Variants in CD53 observed in about 807,000 individuals in gnomAD.
CD53 encodes the protein leukocyte surface antigen CD53.
Under a neutral mutation model 27.3 loss-of-function variants are expected in CD53, and 20 were observed. That is an observed-to-expected ratio of 0.73 (90% confidence interval 0.52 to 1.07). CD53 has a LOEUF of 1.07. CD53 is among the 50% of genes least tolerant of loss of function. CD53 has a pLI of 0.00. For missense variants in CD53, 216 were observed against 264.0 expected, an observed-to-expected ratio of 0.82 and a Z score of 1.26; for synonymous variants, 106 against 105.3, an observed-to-expected ratio of 1.01 and a Z score of -0.04.
chr1:110,879,829 A>G (rs1462271305), intron 1 of CD53, among the ~76,000 whole-genome samples: 1 of 152,100 alleles, frequency 6.6e-6, no homozygotes, highest in African/African-American at 2.4e-5. Flanking sequence ...CAGCTTCCCA[A>G]ATGGCTGGGA....
At chr1:110,885,967 T>C (rs1440229265) in intron 1 of CD53, among the ~76,000 whole-genome samples, 1 of 152,234 alleles carries the variant, frequency 6.6e-6, no homozygotes, top group African/African-American at 2.4e-5. Context: ...TTTGTTCCTT[T>C]GTGTAAATCT....
At chr1:110,887,286 G>C (rs944654685) in intron 1 of CD53, among the ~76,000 whole-genome samples, 12 of 151,976 alleles carry the variant, frequency 7.9e-5, no homozygotes, top group African/African-American at 2.9e-4. Context: ...GGATCGTCTC[G>C]ATCTCCTGAC....
At chr1:110,875,608 C>T (rs531005981) in intron 1 of CD53, among the ~76,000 whole-genome samples, 1 of 152,298 alleles carries the variant, frequency 6.6e-6, no homozygotes, top group Admixed American at 6.5e-5. Flanking sequence ...CAAGCATCCA[C>T]TGTGTGTAGA....
rs368847209 is a variant in CD53 at position 110,899,064 on chromosome 1, C to T, written c.589-60C>T. On this transcript the variant is annotated intron_variant, in intron 7 of 7. Transcript: ENST00000271324. ...CTTTTTCTCAGAGGCCAATCCCAGG[C>T]ATTGTGAAAGAAATGGCTTTTCTTA... The T allele has an allele frequency of 5.0e-5, 63 of 1,267,754 alleles. 1 individual carries two copies. The highest frequency in any genetic ancestry group is 7.1e-5 in the Non-Finnish European group (62 of 870,796). 78.5% of individuals were successfully genotyped at this position (1,267,754 alleles called of 1,614,324 possible).
intron 1 of CD53, among the ~76,000 whole-genome samples, chr1:110,891,004 A>T (rs983070727): frequency 6.6e-6 from 1 of 152,252 alleles, no homozygotes; most frequent in African/African-American, 2.4e-5. Context: ...GGCTTTCTTG[A>T]TGGCTGATTG....
At chr1:110,897,647 C>T in intron 6 of CD53, 162 bp from the exon 7 acceptor site, 1 of 483,918 alleles carries the variant, frequency 2.1e-6, no homozygotes, top group Non-Finnish European at 3.7e-6. Flanking sequence ...TATTTCCCAC[C>T]TTATGCCTGT....
chr1:110,886,869 A>ATATATATATATATATTTTTT (rs1298376721), intron 1 of CD53, among the ~76,000 whole-genome samples: 2 of 82,798 alleles, frequency 2.4e-5, no homozygotes, highest in African/African-American at 1.1e-4. Flanking sequence ...ATATATATAT[A>ATATATATATATATATTTTTT]TTTTTTTTTT....
intron 1 of CD53, among the ~76,000 whole-genome samples, chr1:110,884,522 G>A (rs1273817192): frequency 1.3e-5 from 2 of 152,000 alleles, no homozygotes; most frequent in Non-Finnish European, 2.9e-5. Context: ...CTGCTTTTCT[G>A]TCTACTGATT....
chr1:110,894,992 C>T lies in CD53; in HGVS notation c.360C>T (p.Asp120=), dbSNP rs1657002503. ...LNEYVAKGLT[D]SIHRYHSDNS... The stretch of plus-strand genomic sequence containing the variant: ...AGTATGTGGCTAAGGGTCTGACCGA[C>T]AGCATCCACCGTTACCACTCAGACA... The change falls in exon 5 of 8, where the codon GAC becomes GAT. Residue 120 remains aspartate (D), a synonymous_variant. Coordinates refer to ENST00000271324, the MANE Select transcript of CD53 (RefSeq NM_000560.4). 1 of 1,614,052 alleles carries T rather than the reference C, an allele frequency of 6.2e-7. No homozygotes were observed. The highest frequency in any genetic ancestry group is 8.5e-7 in the Non-Finnish European group (1 of 1,179,932).
chr1:110,890,286 G>T (rs1656799798), intron 1 of CD53, among the ~76,000 whole-genome samples: 1 of 152,128 alleles, frequency 6.6e-6, no homozygotes. Flanking sequence ...CAAAATTCTG[G>T]CCAGGTGCGG....
At chr1:110,888,530 G>A (rs4839582) in intron 1 of CD53, among the ~76,000 whole-genome samples, 97,396 of 152,000 alleles carry the variant, frequency 0.64, 33,237 homozygotes, top group Non-Finnish European at 0.77. Context: ...TTATTTTATA[G>A]TCTACATTTT....
intron 1 of CD53, among the ~76,000 whole-genome samples, chr1:110,881,371 T>G (rs555186168): frequency 1.3e-5 from 2 of 152,322 alleles, no homozygotes; most frequent in Non-Finnish European, 2.9e-5. Flanking sequence ...TCTTTTTTAT[T>G]TAACCTCTTT....
chr1:110,879,096 T>C (rs1248026113), intron 1 of CD53, among the ~76,000 whole-genome samples: 2 of 152,116 alleles, frequency 1.3e-5, no homozygotes, highest in Non-Finnish European at 2.9e-5. Flanking sequence ...AAGCAAGGGA[T>C]TATTCTTGCC....
At chr1:110,873,341 A>G (rs1656019375) in intron 1 of CD53, 93 bp downstream of exon 1, 1 of 152,658 alleles carries the variant, frequency 6.6e-6, no homozygotes, top group African/African-American at 2.4e-5. Flanking sequence ...GTAACCATAA[A>G]ATCTCCGGCA....
At chr1:110,893,643 T>C (rs932243803) in intron 3 of CD53, among the ~76,000 whole-genome samples, 1 of 152,232 alleles carries the variant, frequency 6.6e-6, no homozygotes, top group East Asian at 1.9e-4. Flanking sequence ...ACTCTTAAAC[T>C]GGAGCCAAGA....
chr1:110,878,392 T>C (rs1481606535), intron 1 of CD53, among the ~76,000 whole-genome samples: 2 of 151,854 alleles, frequency 1.3e-5, no homozygotes, highest in Non-Finnish European at 2.9e-5. Flanking sequence ...CGTAATTACC[T>C]TGCGAATGCT....
intron 3 of CD53, 120 bp from the exon 4 acceptor site, chr1:110,894,207 G>A (rs1656967096): frequency 1.3e-6 from 1 of 785,938 alleles, no homozygotes; most frequent in Admixed American, 2.1e-5. Context: ...ACAACGGCCT[G>A]AGGAGGCAGA....
At chr1:110,896,785 A>G (rs958741154) in intron 6 of CD53, 52 bp downstream of exon 6, 3 of 1,500,690 alleles carry the variant, frequency 2.0e-6, no homozygotes, top group Non-Finnish European at 2.8e-6. Flanking sequence ...TAAATGTTTA[A>G]TTACCTCGGA....
chr1:110,874,182 C>A (rs777582854), intron 1 of CD53, among the ~76,000 whole-genome samples: 2 of 152,184 alleles, frequency 1.3e-5, no homozygotes, highest in Non-Finnish European at 2.9e-5. Context: ...TACACCCACC[C>A]ATCTAAGTAT....
Sources: gnomAD v4.1 joint callset for allele counts (sites outside exome capture counted in the v4.1 genomes callset) on GRCh38, gnomAD v4.1.1 for gene constraint, MANE v1.5 for transcripts, NCBI Gene and HGNC (gene_info 2026-07-23, HGNC 2026-07-21) for gene names.